Variants in AGO2 observed in about 807,000 individuals in gnomAD.
AGO2 encodes protein argonaute-2.
In AGO2, 5 loss-of-function variants were observed where a neutral mutation model predicts 102.3. The observed-to-expected ratio is 0.05, with a 90% CI of 0.03 to 0.10. AGO2 has a LOEUF of 0.10. AGO2 is among the 10% of genes least tolerant of loss of function. AGO2 has a pLI of 1.00. For missense variants in AGO2, 541 were observed against 1,183.7 expected, an observed-to-expected ratio of 0.46 and a Z score of 7.97; for synonymous variants, 449 against 473.1, an observed-to-expected ratio of 0.95 and a Z score of 0.66.
At chr8:140,542,129 C>A (rs554639604) in intron 14 of AGO2, among the ~76,000 whole-genome samples, 1 of 152,184 alleles carries the variant, frequency 6.6e-6, no homozygotes, top group African/African-American at 2.4e-5. Flanking sequence ...GAGCCTAGCA[C>A]GGCTCTGCGG....
At chr8:140,596,364 A>G (rs1012026712) in intron 1 of AGO2, among the ~76,000 whole-genome samples, 1 of 152,196 alleles carries the variant, frequency 6.6e-6, no homozygotes, top group Non-Finnish European at 1.5e-5. Context: ...CGGGTAGACC[A>G]TCTGAGGTCG....
At chr8:140,596,208 T>TA (rs1564107397) in intron 1 of AGO2, among the ~76,000 whole-genome samples, 1 of 151,958 alleles carries the variant, frequency 6.6e-6, no homozygotes, top group Non-Finnish European at 1.5e-5. Flanking sequence ...AAATTATTTT[T>TA]AAAAAATGAA....
Position 140,635,515 on chromosome 8 carries a change from C to T in AGO2, c.-9G>A, listed in dbSNP as rs908807843. 19 of 980,084 alleles carry T rather than the reference C, an allele frequency of 1.9e-5. No individual in the cohort carries two copies. Among genetic ancestry groups the T allele is most frequent in the East Asian group, 1.2e-4 (1 of 8,656 alleles). The allele number at this position is 980,084 out of a possible 1,614,324, so 60.7% of individuals were successfully genotyped here. On this transcript the variant is annotated 5_prime_UTR_variant, in exon 1 of 19. Transcript: ENST00000220592. ...CCGGCTCCCGAGTACATGGTGGCGC[C>T]GCCGAGGGGCTCCGGGGCCGAGGGG... is the stretch of plus-strand genomic sequence containing the variant.
intron 1 of AGO2, among the ~76,000 whole-genome samples, chr8:140,606,765 C>T (rs1188782832): frequency 1.3e-5 from 2 of 151,280 alleles, no homozygotes; most frequent in Non-Finnish European, 2.9e-5. Flanking sequence ...GGCAAAACCC[C>T]GTCTCTACTA....
chr8:140,615,005 A>G (rs1282074831), intron 1 of AGO2, among the ~76,000 whole-genome samples: 1 of 152,156 alleles, frequency 6.6e-6, no homozygotes, highest in Non-Finnish European at 1.5e-5. Context: ...CACCATTCAC[A>G]TATTCATTAT....
upstream of AGO2, chr8:140,638,401 G>C (rs1010316703): frequency 6.6e-6 from 1 of 152,228 alleles, no homozygotes; most frequent in Non-Finnish European, 1.5e-5. Context: ...GTAGCAAGGT[G>C]AGAAGAATCA....
rs1423645271 is a variant in AGO2 at position 140,531,348 on chromosome 8, T to C, written c.*696A>G. 2 of 152,746 alleles carry C rather than the reference T, an allele frequency of 1.3e-5. No individual in the cohort carries two copies. The highest frequency in any genetic ancestry group is 2.9e-5 in the Non-Finnish European group (2 of 68,060). 9.5% of individuals were successfully genotyped at this position (152,746 alleles called of 1,614,324 possible). A position where few individuals can be genotyped will look rare whatever the true frequency, so the allele number is the denominator to read the frequency against. The stretch of plus-strand genomic sequence containing the variant: ...ATATTGTCTTTTTTCTTTTTTTAAA[T>C]ACATTTTTTATTAAAATGGCACTTG... On this transcript the variant is annotated 3_prime_UTR_variant, in exon 19 of 19. Coordinates refer to ENST00000220592, the MANE Select transcript of AGO2 (RefSeq NM_012154.5).
intron 13 of AGO2, 31 bp downstream of exon 13, chr8:140,547,437 C>A: frequency 1.2e-6 from 2 of 1,606,788 alleles, no homozygotes; most frequent in Non-Finnish European, 8.5e-7. Flanking sequence ...TGCCCTGGTC[C>A]GCAGGCGGAG....
At chr8:140,565,167 C>T (rs1045168979) in intron 3 of AGO2, among the ~76,000 whole-genome samples, 11 of 151,470 alleles carry the variant, frequency 7.3e-5, no homozygotes, top group South Asian at 2.1e-4. Flanking sequence ...AAGCCAGGCA[C>T]GGTGGCTCAC....
chr8:140,556,107 C>G (rs184868848), intron 9 of AGO2, 60 bp downstream of exon 9: 26 of 1,611,054 alleles, frequency 1.6e-5, no homozygotes, highest in Middle Eastern at 1.7e-4. Context: ...TCAGAGGTTT[C>G]TGTGCCAGGG....
intron 1 of AGO2, among the ~76,000 whole-genome samples, chr8:140,615,489 C>T (rs556604785): frequency 1.4e-4 from 22 of 152,374 alleles, no homozygotes; most frequent in Non-Finnish European, 2.5e-4. Flanking sequence ...CCGCTCAGAG[C>T]CCTCTGAAGG....
intron 1 of AGO2, among the ~76,000 whole-genome samples, chr8:140,590,675 G>A (rs893572634): frequency 1.3e-5 from 2 of 152,184 alleles, no homozygotes; most frequent in African/African-American, 4.8e-5. Flanking sequence ...AAGGAAGAGT[G>A]CACCCTCCAG....
chr8:140,584,710 C>T (rs956577953), intron 2 of AGO2, among the ~76,000 whole-genome samples: 3 of 152,058 alleles, frequency 2.0e-5, no homozygotes, highest in Admixed American at 6.6e-5. Context: ...TAAAAGCAGT[C>T]GGGATTGAGG....
At chr8:140,621,756 A>C (rs757175116) in intron 1 of AGO2, among the ~76,000 whole-genome samples, 2 of 152,212 alleles carry the variant, frequency 1.3e-5, no homozygotes, top group African/African-American at 2.4e-5. Context: ...ATGGTTTAGT[A>C]TGGTTCACTT....
intron 1 of AGO2, among the ~76,000 whole-genome samples, chr8:140,630,161 T>C (rs2074324720): frequency 6.6e-6 from 1 of 152,144 alleles, no homozygotes; most frequent in Non-Finnish European, 1.5e-5. Flanking sequence ...CCATCAGGGG[T>C]GAACCAAGTT....
intron 1 of AGO2, among the ~76,000 whole-genome samples, chr8:140,607,887 A>G (rs2074025109): frequency 6.6e-6 from 1 of 152,172 alleles, no homozygotes; most frequent in South Asian, 2.1e-4. Context: ...TGATGGACTT[A>G]ACGCAGTTGA....
At chr8:140,588,662 G>GGGAAGGAA (rs555848455) in intron 1 of AGO2, among the ~76,000 whole-genome samples, 1 of 151,200 alleles carries the variant, frequency 6.6e-6, no homozygotes, top group Non-Finnish European at 1.5e-5. Flanking sequence ...GAGGGAGGGA[G>GGGAAGGAA]GGAAGGAAGG....
chr8:140,642,308 C>T, the AGO2 span, among the ~76,000 whole-genome samples: 2 of 152,128 alleles, frequency 1.3e-5, no homozygotes, highest in Non-Finnish European at 2.9e-5. Context: ...GAAGAGGCAG[C>T]GGGTGGAGTG....
intron 2 of AGO2, among the ~76,000 whole-genome samples, chr8:140,573,467 C>T (rs569541988): frequency 4.6e-5 from 7 of 152,246 alleles, no homozygotes; most frequent in East Asian, 1.9e-4. Context: ...CGTGAGCCAC[C>T]GCACCCAGCC....
Sources: allele counts gnomAD v4.1 joint callset (sites outside exome capture counted in the v4.1 genomes callset), GRCh38; gene constraint gnomAD v4.1.1; transcripts MANE v1.5; gene names NCBI Gene and HGNC (gene_info 2026-07-23, HGNC 2026-07-21).